Variants in LPCAT1 observed in about 807,000 individuals in gnomAD.
LPCAT1 encodes 1-acylglycerol-3-phosphate O-acyltransferase.
A neutral mutation model predicts 60.9 loss-of-function variants in LPCAT1; 23 were observed. The observed-to-expected ratio is 0.38, with a 90% CI of 0.27 to 0.53. The LOEUF (loss-of-function observed/expected upper bound fraction) is 0.53. Among genes scored for constraint, LPCAT1 ranks in the 20% least tolerant of loss-of-function variants. The pLI is 0.82. For missense variants in LPCAT1, 622 were observed against 723.6 expected (o/e 0.86, Z 1.61); for synonymous variants, 340 against 301.1 (o/e 1.13, Z -1.34).
In LPCAT1 at chr5:1,463,811, A is replaced by G. The variant is rs759720072; in HGVS notation, c.1445T>C (p.Met482Thr). 3 of 1,614,224 alleles carry G rather than the reference A, an allele frequency of 1.9e-6. No individual in the cohort carries two copies. The highest frequency in any genetic ancestry group is 1.1e-5 in the South Asian group (1 of 91,086). Reference protein sequence around the residue: ...TFADFHRFAEMYPAFAEEYLY... With the variant: ...TFADFHRFAETYPAFAEEYLY... ...GTATTCCTCTGCGAAGGCAGGGTAC[A>G]TTTCTGCAAACCTGTGGAAGTCAGC... Residue 482 changes from methionine (M) to threonine (T), a missense_variant, in exon 14 of 14, where the codon ATG (methionine) becomes ACG (threonine). Coordinates refer to ENST00000283415, the MANE Select transcript of LPCAT1 (RefSeq NM_024830.5).
At chr5:1,473,823 G>A in intron 11 of LPCAT1, 134 bp downstream of exon 11, 1 of 967,990 alleles carries the variant, frequency 1.0e-6, no homozygotes, top group Non-Finnish European at 1.5e-6. Flanking sequence ...GATAGGGTGG[G>A]GTGGTGATGG....
chr5:1,496,857 G>T lies in LPCAT1; in HGVS notation c.279-1943C>A, dbSNP rs1378116494. The stretch of plus-strand genomic sequence containing the variant: ...AGCACCCACTCACCCCAAGGCAAAG[G>T]GAGCCAGCACAAGCCCAGGGTGCTC... On this transcript the variant is annotated intron_variant, in intron 2 of 13. Transcript: ENST00000283415. The surrounding 1 kb of genome is among the most constrained non-coding windows in gnomAD (Gnocchi z 4.7). Among the ~76,000 whole-genome samples, 1 of 152,220 alleles carries T rather than the reference G, an allele frequency of 6.6e-6. No homozygotes were observed.
chr5:1,494,976 C>T, intron 2 of LPCAT1, 62 bp from the exon 3 acceptor site: 1 of 1,464,076 alleles, frequency 6.8e-7, no homozygotes, highest in Non-Finnish European at 9.3e-7. Context: ...CTGTGTGAGG[C>T]ACAGGGGCGG....
Position 1,470,803 on chromosome 5 carries a change from A to AC in LPCAT1, c.1278+22dup, listed in dbSNP as rs777934615. ...CTGCACCGCCCTGTCCCCCAGTCAA[A>AC]CCCATGTGAACTCTGCACTCACCTT... On this transcript the variant is annotated intron_variant, in intron 12 of 13. Transcript: ENST00000283415. The AC allele has an allele frequency of 1.1e-5, 18 of 1,600,426 alleles. No homozygotes were observed. The African/African-American group carries it at 1.7e-4, about 16-fold the overall frequency.
Position 1,523,043 on chromosome 5 carries a change from G to T in LPCAT1, c.135+667C>A, listed in dbSNP as rs1736720265. Among the ~76,000 whole-genome samples the T allele has an allele frequency of 1.3e-5, 2 of 152,348 alleles. No individual in the cohort carries two copies. The highest frequency in any genetic ancestry group is 4.8e-5 in the African/African-American group (2 of 41,586). On this transcript the variant is annotated intron_variant, in intron 1 of 13. Transcript: ENST00000283415. The surrounding 1 kb of genome is among the most constrained non-coding windows in gnomAD (Gnocchi z 7.1). ...TTGATTCGGGTCAGACCAGCCCCGA[G>T]AAAGCATCCCTTACAACAGGAGCGA...
chr5:1,500,134 C>A lies in LPCAT1; in HGVS notation c.278+1327G>T, dbSNP rs138896221. 2.7e-3 allele frequency among the ~76,000 whole-genome samples: 414 copies of A among 152,354 alleles called. 4 individuals carry two copies. Among genetic ancestry groups the A allele is most frequent in the African/African-American group, 9.3e-3 (388 of 41,572 alleles). ...AACTTTACTTATAGTCAGGCAGCAG[C>A]CTCCAATTAACTACTAATATTCCTG... On this transcript the variant is annotated intron_variant, in intron 2 of 13. Transcript: ENST00000283415.
At chr5:1,504,311 C>A (rs774106666) in intron 1 of LPCAT1, among the ~76,000 whole-genome samples, 1 of 152,038 alleles carries the variant, frequency 6.6e-6, no homozygotes, top group African/African-American at 2.4e-5. Flanking sequence ...TGGAGGAGAG[C>A]GCAGCGGAGG....
chr5:1,521,439 G>A lies in LPCAT1; in HGVS notation c.135+2271C>T, dbSNP rs981756747. On this transcript the variant is annotated intron_variant, in intron 1 of 13. Transcript: ENST00000283415. This position sits in a 1 kb window ranked among gnomAD's most constrained non-coding sequence, Gnocchi z 4.3. The stretch of plus-strand genomic sequence containing the variant: ...CCCATTTCTTTCTTTGGGGAAGAAG[G>A]CTTTCTTGGCTTGAAAGACAGGCTA... The A allele has an allele frequency of 2.0e-6, 2 of 985,172 alleles. No homozygotes were observed. The highest frequency in any genetic ancestry group is 4.7e-5 in the South Asian group (1 of 21,292). 61.0% of individuals were successfully genotyped at this position (985,172 alleles called of 1,614,324 possible). A position where few individuals can be genotyped will look rare whatever the true frequency, so the allele number is the denominator to read the frequency against.
At chr5:1,500,647 T>C (rs778047364) in intron 2 of LPCAT1, among the ~76,000 whole-genome samples, 3 of 152,224 alleles carry the variant, frequency 2.0e-5, no homozygotes, top group Non-Finnish European at 4.4e-5. Flanking sequence ...AGCCAGTTGC[T>C]GGCCCTGGGG....
chr5:1,523,259 T>C lies in LPCAT1; in HGVS notation c.135+451A>G, dbSNP rs1736728415. ...GCGTCCAGGCAAAGCCGCTCCGGAG[T>C]CCCCGGGCTGCGCGCAGGGCCTGCC... is the stretch of plus-strand genomic sequence containing the variant. On this transcript the variant is annotated intron_variant, in intron 1 of 13. Transcript: ENST00000283415. This position sits in a 1 kb window ranked among gnomAD's most constrained non-coding sequence, Gnocchi z 7.1. 6.6e-6 allele frequency among the ~76,000 whole-genome samples: 1 copy of C among 151,248 alleles called. No homozygotes were observed. The highest frequency in any genetic ancestry group is 2.4e-5 in the African/African-American group (1 of 41,156).
intron 1 of LPCAT1, among the ~76,000 whole-genome samples, chr5:1,503,336 GA>G (rs141843332): frequency 0.042 from 6,365 of 152,314 alleles, 136 homozygotes; most frequent in Middle Eastern, 0.082. Context: ...TTACTGCTGA[GA>G]AACCTTCCCA....
chr5:1,494,940 C>T (rs768716217), intron 2 of LPCAT1, 26 bp from the exon 3 acceptor site: 17 of 1,563,242 alleles, frequency 1.1e-5, no homozygotes, highest in Admixed American at 3.7e-5. Context: ...CTGCGTCACG[C>T]GGGCACACGT....
chr5:1,466,392 C>T (rs1471782597), intron 13 of LPCAT1, among the ~76,000 whole-genome samples: 2 of 152,102 alleles, frequency 1.3e-5, no homozygotes, highest in African/African-American at 4.8e-5. Flanking sequence ...AGCCACACCC[C>T]GGCTGGCAGT....
chr5:1,497,929 T>C (rs1735853851), intron 2 of LPCAT1, among the ~76,000 whole-genome samples: 1 of 152,246 alleles, frequency 6.6e-6, no homozygotes, highest in Non-Finnish European at 1.5e-5. Flanking sequence ...TGGTCAAGGA[T>C]TCAGCGCCAG....
Position 1,470,880 on chromosome 5 carries a change from C to G in LPCAT1, c.1224G>C (p.Leu408=), listed in dbSNP as rs769356483. The G allele has an allele frequency of 3.7e-6, 6 of 1,613,552 alleles. No individual in the cohort carries two copies. The highest frequency in any genetic ancestry group is 5.1e-6 in the Non-Finnish European group (6 of 1,180,008). ...EVDLRECVVA[L]SVVCRPARTL... ...TCCGGGCCGGCCGGCAGACGACAGA[C>G]AGGGCAACCACACACTCTCGCAGGT... The change falls in exon 12 of 14, where the codon CTG becomes CTC. Residue 408 remains leucine (L), a synonymous_variant. Coordinates refer to ENST00000283415, the MANE Select transcript of LPCAT1 (RefSeq NM_024830.5).
rs1213314318 is a variant in LPCAT1 at position 1,495,384 on chromosome 5, T to G, written c.279-470A>C. 1.3e-5 allele frequency among the ~76,000 whole-genome samples: 2 copies of G among 151,924 alleles called. No individual in the cohort carries two copies. Among genetic ancestry groups the G allele is most frequent in the South Asian group, 2.1e-4 (1 of 4,808 alleles). On this transcript the variant is annotated intron_variant, in intron 2 of 13. Transcript: ENST00000283415. This position sits in a 1 kb window ranked among gnomAD's most constrained non-coding sequence, Gnocchi z 4.7. ...GGAAGCTGAGACCTGCGTGCGAACT[T>G]CCCCATCTCATCTCCACAGGAAGCC...
Position 1,477,067 on chromosome 5 carries a change from G to A in LPCAT1, c.899+337C>T, listed in dbSNP as rs1734947862. Among the ~76,000 whole-genome samples the A allele has an allele frequency of 6.6e-6, 1 of 152,240 alleles. No homozygotes were observed. The highest frequency in any genetic ancestry group is 1.5e-5 in the Non-Finnish European group (1 of 68,044). On this transcript the variant is annotated intron_variant, in intron 9 of 13. Transcript: ENST00000283415. This position sits in a 1 kb window ranked among gnomAD's most constrained non-coding sequence, Gnocchi z 6.0. Reference sequence around the variant, plus strand: ...GCAGATGAGCAAAGGTAGGCGTGGAGGCCGCCGCACAGATGTGAAGTTGGC... The same window carrying A: ...GCAGATGAGCAAAGGTAGGCGTGGAAGCCGCCGCACAGATGTGAAGTTGGC...
chr5:1,514,846 C>T (rs534326461), intron 1 of LPCAT1, among the ~76,000 whole-genome samples: 6 of 152,338 alleles, frequency 3.9e-5, no homozygotes, highest in South Asian at 4.1e-4. Flanking sequence ...CATACCAGCA[C>T]GCTTCCCATT....
At chr5:1,514,945 A>G (rs1025737907) in intron 1 of LPCAT1, among the ~76,000 whole-genome samples, 23 of 152,204 alleles carry the variant, frequency 1.5e-4, no homozygotes, top group African/African-American at 5.5e-4. Context: ...GAGTAAAAAG[A>G]ATCCTGAAAT....
Sources: allele counts gnomAD v4.1 joint callset (sites outside exome capture counted in the v4.1 genomes callset), GRCh38; gene constraint gnomAD v4.1.1; non-coding constraint Gnocchi (gnomAD v3.1); transcripts MANE v1.5; gene names NCBI Gene and HGNC (gene_info 2026-07-23, HGNC 2026-07-21).